The following FBXL17 variants were observed in gnomAD, a reference collection of about 807,000 sequenced individuals.
FBXL17 encodes the protein F-box and leucine rich repeat protein 17.
In FBXL17, 22 loss-of-function variants were observed where a neutral mutation model predicts 66.2. That is an observed-to-expected ratio of 0.33 (90% CI 0.24 to 0.47). FBXL17 has a LOEUF of 0.47. Ranked by LOEUF, FBXL17 falls within the 20% of genes least tolerant of loss-of-function variation. FBXL17 has a pLI of 1.00. For synonymous variants in FBXL17, 474 were observed against 400.5 expected (o/e 1.18, Z -2.19); for missense variants, 878 against 948.2 (o/e 0.93, Z 0.97).
intron 7 of FBXL17, among the ~76,000 whole-genome samples, chr5:108,005,649 T>C (rs1215635010): frequency 6.6e-6 from 1 of 152,224 alleles, no homozygotes; most frequent in Admixed American, 6.5e-5. Flanking sequence ...GCAACTATTA[T>C]TGCTTATTGT....
chr5:108,019,447 G>C (rs1016712503), intron 7 of FBXL17, among the ~76,000 whole-genome samples: 2 of 151,988 alleles, frequency 1.3e-5, no homozygotes, highest in African/African-American at 4.8e-5. Context: ...TTACACTGCA[G>C]AATCTCAGAA....
At chr5:108,009,601 C>A in intron 7 of FBXL17, among the ~76,000 whole-genome samples, 1 of 151,430 alleles carries the variant, frequency 6.6e-6, no homozygotes, top group Non-Finnish European at 1.5e-5. Context: ...GCAGATAAAC[C>A]CAAGGAAAGA....
intron 5 of FBXL17, among the ~76,000 whole-genome samples, chr5:108,209,521 G>C (rs1034004557): frequency 3.9e-5 from 6 of 152,104 alleles, no homozygotes; most frequent in Non-Finnish European, 5.9e-5. Context: ...TAACATGAAG[G>C]GGTGTTGAAT....
chr5:108,263,665 C>T (rs1756926912), intron 4 of FBXL17, among the ~76,000 whole-genome samples: 1 of 152,072 alleles, frequency 6.6e-6, no homozygotes, highest in African/African-American at 2.4e-5. Flanking sequence ...TTGCAGACAT[C>T]TTAAAAAAGC....
intron 4 of FBXL17, among the ~76,000 whole-genome samples, chr5:108,259,124 T>G (rs1384551983): frequency 6.6e-6 from 1 of 152,070 alleles, no homozygotes; most frequent in Non-Finnish European, 1.5e-5. Flanking sequence ...CAATTAGAAT[T>G]GAAGAAAAGA....
chr5:108,086,604 G>T (rs1236340063), intron 6 of FBXL17, among the ~76,000 whole-genome samples: 3 of 152,120 alleles, frequency 2.0e-5, no homozygotes, highest in African/African-American at 7.2e-5. Context: ...TGTTGCCCAG[G>T]CTGGAGTGCA....
chr5:108,331,029 G>A (rs920389198), intron 4 of FBXL17, among the ~76,000 whole-genome samples: 4 of 151,956 alleles, frequency 2.6e-5, no homozygotes, highest in Non-Finnish European at 5.9e-5. Flanking sequence ...CTACAGCCTG[G>A]GCGACAGAGC....
chr5:108,192,018 G>GT (rs1561456290), intron 5 of FBXL17, among the ~76,000 whole-genome samples: 1 of 152,130 alleles, frequency 6.6e-6, no homozygotes, highest in Non-Finnish European at 1.5e-5. Context: ...CGAATCCCCA[G>GT]TAACCAGCAT....
intron 7 of FBXL17, among the ~76,000 whole-genome samples, chr5:107,904,147 G>A (rs1024274627): frequency 1.3e-5 from 2 of 152,174 alleles, no homozygotes; most frequent in African/African-American, 4.8e-5. Context: ...GGATGCTCTA[G>A]AGGTACTCAA....
intron 8 of FBXL17, among the ~76,000 whole-genome samples, chr5:107,864,648 A>C (rs900309670): frequency 6.6e-6 from 1 of 151,998 alleles, no homozygotes; most frequent in Non-Finnish European, 1.5e-5. Flanking sequence ...GGTTGTTTAA[A>C]AGTGTGTGTG....
chr5:108,125,668 G>A (rs1472002011), intron 6 of FBXL17, among the ~76,000 whole-genome samples: 1 of 151,878 alleles, frequency 6.6e-6, no homozygotes, highest in Non-Finnish European at 1.5e-5. Context: ...AGCTTGGGTG[G>A]GATATGTTAA....
intron 7 of FBXL17, among the ~76,000 whole-genome samples, chr5:108,000,716 A>G (rs1018079145): frequency 3.9e-5 from 6 of 152,212 alleles, no homozygotes; most frequent in African/African-American, 1.4e-4. Flanking sequence ...CAGAACCTCA[A>G]ACTGCTTTCA....
At chr5:108,077,271 C>A (rs1272173630) in intron 6 of FBXL17, among the ~76,000 whole-genome samples, 1 of 152,070 alleles carries the variant, frequency 6.6e-6, no homozygotes, top group East Asian at 1.9e-4. Flanking sequence ...GCAAATAGGC[C>A]AAGTATGATA....
At chr5:108,359,354 GT>G (rs1488805306) in intron 3 of FBXL17, among the ~76,000 whole-genome samples, 5 of 151,954 alleles carry the variant, frequency 3.3e-5, no homozygotes, top group Admixed American at 6.6e-5. Flanking sequence ...CGAACTTTGG[GT>G]TTAGCCTGCT....
At chr5:107,899,743 A>G (rs749941155) in intron 7 of FBXL17, among the ~76,000 whole-genome samples, 2 of 152,216 alleles carry the variant, frequency 1.3e-5, no homozygotes, top group Non-Finnish European at 2.9e-5. Context: ...GTATACATCT[A>G]GATGTACTTT....
At chr5:107,934,772 C>T (rs1750844769) in intron 7 of FBXL17, among the ~76,000 whole-genome samples, 1 of 152,140 alleles carries the variant, frequency 6.6e-6, no homozygotes, top group Non-Finnish European at 1.5e-5. Flanking sequence ...GCTGGAATCT[C>T]TCACTATGTA....
At chr5:107,915,611 C>T (rs576056879) in intron 7 of FBXL17, among the ~76,000 whole-genome samples, 59 of 152,262 alleles carry the variant, frequency 3.9e-4, no homozygotes, top group Admixed American at 5.2e-4. Flanking sequence ...AATGTTCTTG[C>T]GTAATCTAGT....
chr5:108,336,080 A>G (rs1236378449), intron 4 of FBXL17, among the ~76,000 whole-genome samples: 2 of 152,192 alleles, frequency 1.3e-5, no homozygotes, highest in African/African-American at 4.8e-5. Context: ...ATTCTTGGAC[A>G]TTCTTTTCCC....
rs1207872252 is a variant in FBXL17, at chr5:108,041,087, T to C, written c.1746-20086A>G. On this transcript the variant is annotated intron_variant, in intron 6 of 8. Coordinates refer to ENST00000542267, the MANE Select transcript of FBXL17 (RefSeq NM_001163315.3). Reference sequence around the variant, plus strand: ...TGACTTCATGGGATTGTTGGGAATATTAAATGATGTAATATATGTACAGTG... The same window carrying C: ...TGACTTCATGGGATTGTTGGGAATACTAAATGATGTAATATATGTACAGTG... Among the ~76,000 whole-genome samples the C allele has an allele frequency of 2.0e-5, 3 of 152,218 alleles. No individual in the cohort carries two copies. The East Asian group carries it at 5.8e-4, about 29-fold the overall frequency.
Sources: gnomAD v4.1 joint callset for allele counts (sites outside exome capture counted in the v4.1 genomes callset) on GRCh38, gnomAD v4.1.1 for gene constraint, MANE v1.5 for transcripts, NCBI Gene and HGNC (gene_info 2026-07-23, HGNC 2026-07-21) for gene names.